CSMD1: variants seen among roughly 807,000 people sequenced by gnomAD.
CSMD1 encodes the protein CUB and sushi domain-containing protein 1.
In CSMD1, 213 loss-of-function variants were observed where a neutral mutation model predicts 417.5. That is an observed-to-expected ratio of 0.51 (90% CI 0.46 to 0.57). The LOEUF (loss-of-function observed/expected upper bound fraction) is 0.57. CSMD1 is among the 20% of genes least tolerant of loss of function. The pLI is 0.00. For synonymous variants in CSMD1, 2,862 were observed against 1,736.8 expected, an observed-to-expected ratio of 1.65 and a Z score of -16.11; for missense variants, 6,923 against 4,529.7, an observed-to-expected ratio of 1.53 and a Z score of -15.17.
intron 5 of CSMD1, among the ~76,000 whole-genome samples, chr8:3,962,922 CTT>C (rs1444791878): frequency 6.6e-6 from 1 of 152,086 alleles, no homozygotes; most frequent in African/African-American, 2.4e-5. Flanking sequence ...TTCCACAAAA[CTT>C]TTCACTCAGT....
intron 5 of CSMD1, among the ~76,000 whole-genome samples, chr8:3,856,507 G>A (rs528604373): frequency 1.3e-5 from 2 of 152,276 alleles, no homozygotes; most frequent in South Asian, 2.1e-4. Flanking sequence ...ACTGCATGAG[G>A]ATCAAATGGA....
chr8:3,923,470 A>C (rs748863469), intron 5 of CSMD1, among the ~76,000 whole-genome samples: 2 of 152,098 alleles, frequency 1.3e-5, no homozygotes, highest in African/African-American at 2.4e-5. Context: ...ATTGCCATTT[A>C]TGTGGGACAT....
At chr8:3,047,583 C>A (rs537144437) in intron 50 of CSMD1, among the ~76,000 whole-genome samples, 1 of 152,220 alleles carries the variant, frequency 6.6e-6, no homozygotes, top group African/African-American at 2.4e-5. Context: ...ATCTCACATG[C>A]TGTCCTGATG....
chr8:4,053,212 G>C (rs192978387), intron 3 of CSMD1, among the ~76,000 whole-genome samples: 2 of 152,166 alleles, frequency 1.3e-5, no homozygotes, highest in Admixed American at 6.6e-5. Flanking sequence ...TTATTAAAAA[G>C]TCACTAACAA....
At chr8:3,421,696 G>A (rs1308299789) in intron 12 of CSMD1, among the ~76,000 whole-genome samples, 1 of 152,120 alleles carries the variant, frequency 6.6e-6, no homozygotes, top group Non-Finnish European at 1.5e-5. Flanking sequence ...GCAGTGCACT[G>A]CTGTAATCTT....
chr8:4,925,625 C>CAA (rs1231023852), intron 1 of CSMD1, among the ~76,000 whole-genome samples: 3 of 151,552 alleles, frequency 2.0e-5, no homozygotes, highest in Non-Finnish European at 2.9e-5. Flanking sequence ...CGGCTCACTG[C>CAA]AAGCTCTGCC....
chr8:4,187,924 T>A (rs1798781280), intron 3 of CSMD1, among the ~76,000 whole-genome samples: 1 of 152,046 alleles, frequency 6.6e-6, no homozygotes, highest in African/African-American at 2.4e-5. Flanking sequence ...GTTAATAAAA[T>A]ACAAAACAGT....
chr8:3,239,849 A>G (rs118015823), intron 26 of CSMD1, among the ~76,000 whole-genome samples: 10,274 of 152,188 alleles, frequency 0.068, 471 homozygotes, highest in Middle Eastern at 0.095. Flanking sequence ...TTATAGTCAT[A>G]GGGGTCAGGT....
At chr8:3,301,387 G>A (rs79674057) in intron 25 of CSMD1, among the ~76,000 whole-genome samples, 12,289 of 152,128 alleles carry the variant, frequency 0.081, 631 homozygotes, top group Non-Finnish European at 0.11. Context: ...GTGGGAGCTA[G>A]TGAAACTTGC....
chr8:3,555,148 G>A lies in CSMD1; in HGVS notation c.1344+19797C>T, dbSNP rs11993899. On this transcript the variant is annotated intron_variant, in intron 10 of 69. Transcript: ENST00000635120. ...GCTATTAAATTATGAGCAAAACCTA[G>A]GCCAGAAAACAAGCAGAATGGGGAG... 5.4e-3 allele frequency among the ~76,000 whole-genome samples: 815 copies of A among 151,870 alleles called. 10 individuals are homozygous for A. Among genetic ancestry groups the A allele is most frequent in the African/African-American group, 0.019 (788 of 41,410 alleles).
At chr8:4,048,392 G>C (rs142657938) in intron 3 of CSMD1, among the ~76,000 whole-genome samples, 2 of 152,196 alleles carry the variant, frequency 1.3e-5, no homozygotes, top group South Asian at 2.1e-4. Flanking sequence ...ATGCTTCCTA[G>C]ACAAACCACT....
chr8:4,019,985 T>C (rs1275849450), intron 4 of CSMD1, among the ~76,000 whole-genome samples: 2 of 152,080 alleles, frequency 1.3e-5, no homozygotes, highest in African/African-American at 2.4e-5. Context: ...CATGAATTTC[T>C]TTTCAAACTG....
chr8:4,464,770 T>C (rs1332381015), intron 2 of CSMD1, among the ~76,000 whole-genome samples: 5 of 152,062 alleles, frequency 3.3e-5, no homozygotes, highest in Admixed American at 3.3e-4. Context: ...TCCTGCTGAG[T>C]GGGGTGGGGC....
chr8:4,002,030 G>C (rs572465858), intron 4 of CSMD1, among the ~76,000 whole-genome samples: 132 of 152,296 alleles, frequency 8.7e-4, no homozygotes, highest in Middle Eastern at 3.4e-3. Flanking sequence ...AGAATTGTTT[G>C]TATAGCACTC....
chr8:4,507,476 T>G (rs1585179479), intron 2 of CSMD1, among the ~76,000 whole-genome samples: 1 of 152,184 alleles, frequency 6.6e-6, no homozygotes, highest in East Asian at 1.9e-4. Flanking sequence ...TGATTACAAA[T>G]AAGTAAAATA....
In CSMD1 at chr8:3,848,089, C is replaced by CTA. The variant is rs1554459963; in HGVS notation, c.819-94049_819-94048dup. Among the ~76,000 whole-genome samples the CTA allele has an allele frequency of 7.7e-4, 117 of 151,736 alleles. No homozygotes were observed. In the East Asian group the frequency reaches 0.014, roughly 18 times the overall value. ...GATATTTCTCTCTCTCTCTCTCTCT[C>CTA]TAAATATATATACTTACTTAGTGCT... On this transcript the variant is annotated intron_variant, in intron 5 of 69. Coordinates refer to ENST00000635120, the MANE Select transcript of CSMD1 (RefSeq NM_033225.6).
intron 6 of CSMD1, among the ~76,000 whole-genome samples, chr8:3,727,242 A>G (rs1447945442): frequency 1.3e-5 from 2 of 152,218 alleles, no homozygotes; most frequent in African/African-American, 4.8e-5. Flanking sequence ...TTATCACAAG[A>G]GGAAAACTAA....
chr8:3,899,833 G>T (rs76664110), intron 5 of CSMD1, among the ~76,000 whole-genome samples: 1,756 of 152,270 alleles, frequency 0.012, 37 homozygotes, highest in African/African-American at 0.041. Flanking sequence ...CCTACCACAG[G>T]TACTGTGTCC....
chr8:4,918,168 G>A (rs557459458), intron 1 of CSMD1, among the ~76,000 whole-genome samples: 1 of 152,200 alleles, frequency 6.6e-6, no homozygotes, highest in Non-Finnish European at 1.5e-5. Context: ...CCGTGTTGGT[G>A]TTGGTGACTC....
Sources: allele counts gnomAD v4.1 joint callset (sites outside exome capture counted in the v4.1 genomes callset), GRCh38; gene constraint gnomAD v4.1.1; transcripts MANE v1.5; gene names NCBI Gene and HGNC (gene_info 2026-07-23, HGNC 2026-07-21).